The following CECR2 variants were observed in gnomAD, a reference collection of about 807,000 sequenced individuals.
CECR2 encodes the protein CECR2 histone acetyl-lysine reader.
In CECR2, 30 loss-of-function variants were observed where a neutral mutation model predicts 154.5. The ratio of observed to expected loss-of-function variants is 0.19; its 90% confidence interval spans 0.15 to 0.26. CECR2 has a LOEUF of 0.26. Ranked by LOEUF, CECR2 falls within the 10% of genes least tolerant of loss-of-function variation. CECR2 has a pLI of 1.00. For synonymous variants in CECR2, 725 were observed against 683.7 expected (o/e 1.06, Z -0.94); for missense variants, 1,743 against 1,829.3 (o/e 0.95, Z 0.86).
chr22:17,393,017 G>A (rs1478209754), intron 1 of CECR2, among the ~76,000 whole-genome samples: 1 of 152,220 alleles, frequency 6.6e-6, no homozygotes, highest in Non-Finnish European at 1.5e-5. Context: ...TGCAGCCTGG[G>A]TGACAGAGTG....
intron 16 of CECR2, among the ~76,000 whole-genome samples, chr22:17,546,269 C>CCT (rs1555933636): frequency 6.6e-6 from 1 of 151,880 alleles, no homozygotes; most frequent in African/African-American, 2.4e-5. Context: ...GGGTGGATCA[C>CCT]GAGGTCAGGA....
At chr22:17,381,698 G>A (rs2063191545) in intron 1 of CECR2, among the ~76,000 whole-genome samples, 2 of 152,066 alleles carry the variant, frequency 1.3e-5, no homozygotes, top group Non-Finnish European at 2.9e-5. Context: ...TGTCGAAAAG[G>A]GGCAGGGCAG....
At chr22:17,442,590 C>T (rs1427491229) in intron 1 of CECR2, among the ~76,000 whole-genome samples, 1 of 152,040 alleles carries the variant, frequency 6.6e-6, no homozygotes, top group East Asian at 1.9e-4. Flanking sequence ...ACTCTGTCGC[C>T]CAGGCTGGAG....
At chr22:17,446,981 C>T (rs1391340858) in intron 1 of CECR2, among the ~76,000 whole-genome samples, 1 of 149,278 alleles carries the variant, frequency 6.7e-6, no homozygotes, top group African/African-American at 2.5e-5. Context: ...TTTAGCTAGA[C>T]ACAGTGCCGA....
At chr22:17,373,655 G>A (rs1451066390) in intron 1 of CECR2, among the ~76,000 whole-genome samples, 1 of 152,084 alleles carries the variant, frequency 6.6e-6, no homozygotes, top group Non-Finnish European at 1.5e-5. Flanking sequence ...GAATTCAGTA[G>A]TTGATATAAA....
chr22:17,543,372 G>A (rs2056561675), intron 16 of CECR2, among the ~76,000 whole-genome samples: 1 of 151,804 alleles, frequency 6.6e-6, no homozygotes, highest in Non-Finnish European at 1.5e-5. Flanking sequence ...GTGACCTTGT[G>A]ACCTGCCCCC....
chr22:17,445,543 T>TTTTTTATTA (rs1320975135), intron 1 of CECR2, among the ~76,000 whole-genome samples: 3 of 141,438 alleles, frequency 2.1e-5, no homozygotes, highest in Non-Finnish European at 4.6e-5. Flanking sequence ...TGCTCTATAC[T>TTTTTTATTA]TTATTATTAT....
rs1240642017 is a variant in CECR2 at position 17,417,575 on chromosome 22, G to C, written c.126+47666G>C. 3.3e-5 allele frequency among the ~76,000 whole-genome samples: 5 copies of C among 152,026 alleles called. No homozygotes were observed. The East Asian group carries it at 9.6e-4, about 29-fold the overall frequency. Reference sequence around the variant, plus strand: ...CTCAAGCCATTCACACGAGCAGCTGGGACTATAGGCAGCATTCCACAACAC... The same window carrying C: ...CTCAAGCCATTCACACGAGCAGCTGCGACTATAGGCAGCATTCCACAACAC... On this transcript the variant is annotated intron_variant, in intron 1 of 18. Transcript: ENST00000262608.
In CECR2 at chr22:17,505,021, G is replaced by A. The variant is rs760320047; in HGVS notation, c.870+5G>A. The A allele has an allele frequency of 4.8e-5, 77 of 1,612,318 alleles. No individual in the cohort carries two copies. Among genetic ancestry groups the A allele is most frequent in the Admixed American group, 1.0e-4 (6 of 59,892 alleles). The stretch of plus-strand genomic sequence containing the variant: ...TGCAACATGATCGCCCAGAAGGTGC[G>A]CCACACTCTCTGCTCTGTCCTCCTC... On this transcript the variant is annotated splice_donor_5th_base_variant and intron_variant, in intron 7 of 18. Coordinates refer to ENST00000262608, the MANE Select transcript of CECR2 (RefSeq NM_001290047.2).
chr22:17,547,216 C>A lies in CECR2; in HGVS notation c.2861-932C>A, dbSNP rs572794707. ...AATTTGATTGGGCTTAGTAAATTTCCATAATATGTTAAAAATGCCTCTTTT... is the reference window on the plus strand; with the variant it reads ...AATTTGATTGGGCTTAGTAAATTTCAATAATATGTTAAAAATGCCTCTTTT... On this transcript the variant is annotated intron_variant, in intron 16 of 18. Coordinates refer to ENST00000262608, the MANE Select transcript of CECR2 (RefSeq NM_001290047.2). Among the ~76,000 whole-genome samples the A allele has an allele frequency of 1.3e-4, 19 of 150,322 alleles. No individual in the cohort carries two copies. The East Asian group carries it at 2.7e-3, about 22-fold the overall frequency.
intron 1 of CECR2, among the ~76,000 whole-genome samples, chr22:17,451,226 T>G (rs5747164): frequency 0.3 from 45,311 of 152,160 alleles, 9,609 homozygotes; most frequent in African/African-American, 0.57. Flanking sequence ...CCTTGAATCT[T>G]CACTTCAATT....
At chr22:17,486,216 A>G (rs1307805772) in intron 2 of CECR2, among the ~76,000 whole-genome samples, 1 of 152,220 alleles carries the variant, frequency 6.6e-6, no homozygotes, top group Non-Finnish European at 1.5e-5. Flanking sequence ...GAACCTCATC[A>G]TCAAGTACAG....
At chr22:17,449,282 C>G (rs1008841011) in intron 1 of CECR2, among the ~76,000 whole-genome samples, 1 of 152,032 alleles carries the variant, frequency 6.6e-6, no homozygotes, top group Admixed American at 6.6e-5. Flanking sequence ...AACTCTGCCT[C>G]CCGTGCTTTA....
In CECR2 at chr22:17,557,623, G is replaced by A. The variant is rs1340885354; in HGVS notation, c.*4783G>A. Reference sequence around the variant, plus strand: ...ACTAACTGAACTCTAACGTCAGAACGGCTGACGAGCAGTTGATTGTCCTTG... The same window carrying A: ...ACTAACTGAACTCTAACGTCAGAACAGCTGACGAGCAGTTGATTGTCCTTG... On this transcript the variant is annotated 3_prime_UTR_variant, in exon 19 of 19. Transcript: ENST00000262608. The A allele has an allele frequency of 2.0e-5, 3 of 147,378 alleles. No individual in the cohort carries two copies. Among genetic ancestry groups the A allele is most frequent in the Non-Finnish European group, 4.5e-5 (3 of 66,664 alleles). The allele number at this position is 147,378 out of a possible 1,614,324, so 9.1% of individuals were successfully genotyped here.
At chr22:17,453,305 G>T (rs1001004692) in intron 1 of CECR2, among the ~76,000 whole-genome samples, 1 of 152,200 alleles carries the variant, frequency 6.6e-6, no homozygotes, top group South Asian at 2.1e-4. Context: ...AACTGGACAC[G>T]GTGGCGTATG....
chr22:17,432,875 C>G (rs145687338), intron 1 of CECR2, among the ~76,000 whole-genome samples: 1 of 152,324 alleles, frequency 6.6e-6, no homozygotes, highest in Non-Finnish European at 1.5e-5. Context: ...AGCCAGCTCA[C>G]CCAGCTCTAT....
intron 1 of CECR2, among the ~76,000 whole-genome samples, chr22:17,444,649 GATTTCTC>G (rs2054632702): frequency 6.6e-6 from 1 of 151,980 alleles, no homozygotes; most frequent in South Asian, 2.1e-4. Flanking sequence ...CCACCATCAA[GATTTCTC>G]ATGGGAGAAG....
rs1200802477 is a variant in CECR2, at chr22:17,470,408, AG to A, written c.127-7179del. 8.7e-4 allele frequency among the ~76,000 whole-genome samples: 126 copies of A among 144,650 alleles called. 1 individual carries two copies. In the East Asian group the frequency reaches 0.013, roughly 15 times the overall value. The allele number at this position is 144,650 out of a possible 152,430, so 94.9% of individuals were successfully genotyped here. ...ACTCCGTCTCAAAAAAAAAAAAAAA[AG>A]AAAAAAAAATTCTGTCTATGCACAT... On this transcript the variant is annotated intron_variant, in intron 1 of 18. Transcript: ENST00000262608.
chr22:17,380,732 A>C (rs1291143113), intron 1 of CECR2, among the ~76,000 whole-genome samples: 1 of 152,242 alleles, frequency 6.6e-6, no homozygotes, highest in African/African-American at 2.4e-5. Context: ...TTCAATGTTG[A>C]ACTTTAAATC....
Sources: allele counts gnomAD v4.1 joint callset (sites outside exome capture counted in the v4.1 genomes callset), GRCh38; gene constraint gnomAD v4.1.1; transcripts MANE v1.5; gene names NCBI Gene and HGNC (gene_info 2026-07-23, HGNC 2026-07-21).